Variants in ADGRD1 observed in about 807,000 individuals in gnomAD.
ADGRD1 encodes the protein adhesion G protein-coupled receptor D1, also known as G-protein coupled receptor 133.
In ADGRD1, 77 loss-of-function variants were observed where a neutral mutation model predicts 113.4. The observed-to-expected ratio is 0.68, with a 90% confidence interval of 0.57 to 0.82. The LOEUF (loss-of-function observed/expected upper bound fraction) is 0.82. Among genes scored for constraint, ADGRD1 ranks in the 40% least tolerant of loss-of-function variants. The probability of loss-of-function intolerance (pLI) is 0.00; values close to 1 mark genes in which losing one functional copy is unlikely to be tolerated. For missense variants in ADGRD1, 1,036 were observed against 1,139.1 expected, an observed-to-expected ratio of 0.91 and a Z score of 1.30; for synonymous variants, 474 against 475.0, an observed-to-expected ratio of 1.00 and a Z score of 0.03.
At chr12:131,037,957 C>T (rs545158070) in intron 13 of ADGRD1, among the ~76,000 whole-genome samples, 2 of 151,500 alleles carry the variant, frequency 1.3e-5, no homozygotes, top group Middle Eastern at 6.8e-3. Context: ...TCACTCACTG[C>T]ACCGGGCCCC....
rs1271509446 is a variant in ADGRD1, at chr12:131,139,086, C to T, written c.2530-82C>T. On this transcript the variant is annotated intron_variant, in intron 24 of 24. Coordinates refer to ENST00000261654, the MANE Select transcript of ADGRD1 (RefSeq NM_198827.5). ...GGAGAATCCTCGGGCAGCTATGGGC[C>T]CAATGCTCCCCGCACTCACTGGGCT... 16 of 1,049,414 alleles carry T rather than the reference C, an allele frequency of 1.5e-5. No homozygotes were observed. The African/African-American group carries it at 2.2e-4, about 15-fold the overall frequency. The allele number at this position is 1,049,414 out of a possible 1,614,324, so 65.0% of individuals were successfully genotyped here.
chr12:131,076,986 G>C, intron 14 of ADGRD1, 112 bp downstream of exon 14: 1 of 902,564 alleles, frequency 1.1e-6, no homozygotes, highest in Middle Eastern at 2.5e-4. Flanking sequence ...TGACATGGTT[G>C]CGTTATGCGA....
At chr12:131,133,868 G>A (rs770303147) in intron 21 of ADGRD1, among the ~76,000 whole-genome samples, 35 of 152,104 alleles carry the variant, frequency 2.3e-4, no homozygotes, top group Non-Finnish European at 5.0e-4. Context: ...TCATCCTCTG[G>A]TTTTATTCTA....
chr12:131,077,385 C>T (rs1384320650), intron 14 of ADGRD1, among the ~76,000 whole-genome samples: 1 of 152,218 alleles, frequency 6.6e-6, no homozygotes, highest in African/African-American at 2.4e-5. Context: ...ACTGGGACGT[C>T]CTCCCCAGCA....
At chr12:131,077,472 A>C (rs764101669) in intron 14 of ADGRD1, among the ~76,000 whole-genome samples, 2 of 152,052 alleles carry the variant, frequency 1.3e-5, no homozygotes, top group Non-Finnish European at 2.9e-5. Context: ...GCTCGCCTCC[A>C]CGGCTCACCT....
chr12:131,025,545 CT>C lies in ADGRD1; in HGVS notation c.1473+11220del, dbSNP rs71095328. 2.8e-3 allele frequency: 403 copies of C among 141,570 alleles called. 2 individuals carry two copies. Among genetic ancestry groups the C allele is most frequent in the Middle Eastern group, 7.7e-3 (2 of 260 alleles). The allele number at this position is 141,570 out of a possible 1,614,324, so 8.8% of individuals were successfully genotyped here. ...GCCCGAGGCTGAGATGCCTTCTTTT[CT>C]TTTTTTTTTTTTTTGATACAGAGTC... On this transcript the variant is annotated intron_variant, in intron 13 of 24. Transcript: ENST00000261654.
At chr12:131,127,464 C>T (rs1331020291) in intron 20 of ADGRD1, among the ~76,000 whole-genome samples, 1 of 152,192 alleles carries the variant, frequency 6.6e-6, no homozygotes, top group African/African-American at 2.4e-5. Flanking sequence ...CCTCTGAGCT[C>T]ATGTGGGTGT....
intron 8 of ADGRD1, among the ~76,000 whole-genome samples, chr12:130,997,328 G>A (rs1254624158): frequency 2.7e-5 from 4 of 150,746 alleles, no homozygotes; most frequent in Non-Finnish European, 4.4e-5. Context: ...CCTCCCGGAC[G>A]GGGTGGCTGC....
chr12:131,110,321 G>A (rs748851731), intron 18 of ADGRD1, among the ~76,000 whole-genome samples: 1 of 149,112 alleles, frequency 6.7e-6, no homozygotes, highest in Admixed American at 6.8e-5. Flanking sequence ...ATATTTCCTA[G>A]TGTAACACTT....
At chr12:131,088,035 G>A (rs962377868) in intron 15 of ADGRD1, among the ~76,000 whole-genome samples, 1 of 152,098 alleles carries the variant, frequency 6.6e-6, no homozygotes, top group Non-Finnish European at 1.5e-5. Context: ...GCCAGGGCCC[G>A]GCCCACAGGG....
Position 130,981,881 on chromosome 12 carries a change from CA to C in ADGRD1, c.311-2del. The C allele has an allele frequency of 6.2e-7, 1 of 1,608,000 alleles. No individual in the cohort carries two copies. Among genetic ancestry groups the C allele is most frequent in the Non-Finnish European group, 8.5e-7 (1 of 1,175,652 alleles). ...GAATAACTGATCTTGTGACTTTCCT[CA>C]GGGGTCACGTTTTCTTTTTTCTGGA... On this transcript the variant is annotated splice_acceptor_variant, in intron 4 of 24. Coordinates refer to ENST00000261654, the MANE Select transcript of ADGRD1 (RefSeq NM_198827.5). LOFTEE classifies it high-confidence loss of function.
At chr12:131,021,249 T>A (rs1218687630) in intron 13 of ADGRD1, among the ~76,000 whole-genome samples, 1 of 152,128 alleles carries the variant, frequency 6.6e-6, no homozygotes, top group Non-Finnish European at 1.5e-5. Flanking sequence ...GGTGTCAGTT[T>A]CCTCACTTGC....
At chr12:130,969,155 T>C (rs1871333180) in intron 3 of ADGRD1, 1 of 776,754 alleles carries the variant, frequency 1.3e-6, no homozygotes, top group East Asian at 2.7e-5. Flanking sequence ...TTTGGTAGTA[T>C]CTGAATTCAC....
At chr12:131,006,090 G>A (rs1448662986) in intron 12 of ADGRD1, 43 bp downstream of exon 12, 1 of 1,533,604 alleles carries the variant, frequency 6.5e-7, no homozygotes, top group South Asian at 1.1e-5. Context: ...GGGTGTGCGT[G>A]GGTTTGCTGG....
At chr12:131,011,401 A>G (rs184586666) in intron 12 of ADGRD1, among the ~76,000 whole-genome samples, 1 of 151,998 alleles carries the variant, frequency 6.6e-6, no homozygotes, top group East Asian at 1.9e-4. Flanking sequence ...GTTCTCACTT[A>G]ATGTTTTCCT....
Position 130,954,756 on chromosome 12 carries a change from C to T in ADGRD1, c.103+96C>T, listed in dbSNP as rs897811033. 3 of 1,205,074 alleles carry T rather than the reference C, an allele frequency of 2.5e-6. No homozygotes were observed. The highest frequency in any genetic ancestry group is 1.7e-5 in the Admixed American group (1 of 57,606). The allele number at this position is 1,205,074 out of a possible 1,614,324, so 74.6% of individuals were successfully genotyped here. On this transcript the variant is annotated intron_variant, in intron 2 of 24. Coordinates refer to ENST00000261654, the MANE Select transcript of ADGRD1 (RefSeq NM_198827.5). The surrounding 1 kb of genome is among the most constrained non-coding windows in gnomAD (Gnocchi z 4.7). ...CACTTGTTCATCTCTGAGGCATCAG[C>T]GAATGGCCCTTGTTGGGCTCCTGGT...
chr12:131,077,096 T>C (rs558478646), intron 14 of ADGRD1, among the ~76,000 whole-genome samples: 15 of 152,290 alleles, frequency 9.8e-5, no homozygotes, highest in African/African-American at 3.6e-4. Flanking sequence ...TGTTGCACGA[T>C]GTGTCTGGAC....
chr12:130,987,182 CGA>C lies in ADGRD1; in HGVS notation c.580_581del (p.Ser194TrpfsTer6). On this transcript the variant is annotated frameshift_variant, in exon 6 of 25. Transcript: ENST00000261654. LOFTEE classifies it high-confidence loss of function. ...AACGGGACCCTGAGCACCTCTGATC[CGA>C]GTGGAAAAGTGTCTCGTGACTATGG... The C allele has an allele frequency of 6.2e-7, 1 of 1,614,148 alleles. No homozygotes were observed. Among genetic ancestry groups the C allele is most frequent in the Middle Eastern group, 1.6e-4 (1 of 6,062 alleles).
intron 20 of ADGRD1, among the ~76,000 whole-genome samples, chr12:131,129,446 G>GAGTA (rs1341358446): frequency 4.1e-5 from 5 of 121,176 alleles, no homozygotes; most frequent in African/African-American, 1.0e-4. Flanking sequence ...GTCTGGGTGT[G>GAGTA]ACAGGCCCGC....
Sources: gnomAD v4.1 joint callset for allele counts (sites outside exome capture counted in the v4.1 genomes callset) on GRCh38, gnomAD v4.1.1 for gene constraint, Gnocchi (gnomAD v3.1) non-coding constraint, MANE v1.5 for transcripts, NCBI Gene and HGNC (gene_info 2026-07-23, HGNC 2026-07-21) for gene names.